The following HS3ST4 variants were observed in gnomAD, a reference collection of about 807,000 sequenced individuals.
HS3ST4 encodes the protein heparan sulfate-glucosamine 3-sulfotransferase 4.
HS3ST4 carries 17 observed loss-of-function variants against 29.2 expected under a neutral mutation model. The observed-to-expected ratio is 0.58, with a 90% CI of 0.40 to 0.87. The LOEUF is 0.87. HS3ST4 is among the 40% of genes least tolerant of loss of function. HS3ST4 has a pLI of 0.00. For synonymous variants in HS3ST4, 314 were observed against 285.7 expected (o/e 1.10, Z -1.00); for missense variants, 627 against 634.5 (o/e 0.99, Z 0.13).
At chr16:25,984,244 G>T (rs745624197) in intron 1 of HS3ST4, among the ~76,000 whole-genome samples, 5 of 152,150 alleles carry the variant, frequency 3.3e-5, no homozygotes, top group Non-Finnish European at 7.4e-5. Context: ...GGGACTGGTG[G>T]AAGACAATTT....
At chr16:26,109,725 T>A (rs893161825) in intron 1 of HS3ST4, among the ~76,000 whole-genome samples, 5 of 152,166 alleles carry the variant, frequency 3.3e-5, no homozygotes, top group African/African-American at 1.2e-4. Context: ...ACTGTTTTTT[T>A]TTTTTTCTGT....
At chr16:25,822,240 G>C (rs984926837) in intron 1 of HS3ST4, among the ~76,000 whole-genome samples, 1 of 152,122 alleles carries the variant, frequency 6.6e-6, no homozygotes, top group East Asian at 1.9e-4. Flanking sequence ...GGTGCCAGCA[G>C]ATCTGGTGTC....
Position 25,906,937 on chromosome 16 carries a change from G to A in HS3ST4, c.734+213786G>A, listed in dbSNP as rs193250723. Among the ~76,000 whole-genome samples the A allele has an allele frequency of 2.6e-3, 395 of 152,286 alleles. 1 individual carries two copies. The highest frequency in any genetic ancestry group is 9.2e-3 in the African/African-American group (384 of 41,562). The stretch of plus-strand genomic sequence containing the variant: ...GGGCTGGGTGCAGTGGCTCACACCT[G>A]TAATCCTAGTGCTTTGAGAAGCCTA... On this transcript the variant is annotated intron_variant, in intron 1 of 1. Coordinates refer to ENST00000331351, the MANE Select transcript of HS3ST4 (RefSeq NM_006040.3).
chr16:25,692,475 C>G lies in HS3ST4; in HGVS notation c.58C>G (p.Pro20Ala). The change falls in exon 1 of 2, where the codon CCG becomes GCG. Residue 20 changes from proline to alanine, a missense_variant. Physicochemically the swap from Pro to Ala is conservative, Grantham distance 27. This residue lies in a region of HS3ST4 where 402 missense variants were observed against 340.8 expected (regional missense o/e 1.18). Coordinates refer to ENST00000331351, the MANE Select transcript of HS3ST4 (RefSeq NM_006040.3). ...GCCTCCGCCTCCACCTCTGGCCGCG[C>G]CGCCGCCGCCCGGCGCCTCTGCTAA... Reference protein sequence around the residue: ...PPPPPPPLAAPPPPGASAKGP... With the variant: ...PPPPPPPLAAAPPPGASAKGP... The G allele has an allele frequency of 7.3e-7, 1 of 1,363,186 alleles. No individual in the cohort carries two copies. Among genetic ancestry groups the G allele is most frequent in the African/African-American group, 1.5e-5 (1 of 65,418 alleles). 84.4% of individuals were successfully genotyped at this position (1,363,186 alleles called of 1,614,324 possible). A position where few individuals can be genotyped will look rare whatever the true frequency, so the allele number is the denominator to read the frequency against.
At chr16:25,715,746 G>A (rs897188382) in intron 1 of HS3ST4, among the ~76,000 whole-genome samples, 1 of 152,238 alleles carries the variant, frequency 6.6e-6, no homozygotes, top group Non-Finnish European at 1.5e-5. Flanking sequence ...GCAGTGGTTA[G>A]TGACAGATGG....
At chr16:25,771,962 T>C (rs962853452) in intron 1 of HS3ST4, among the ~76,000 whole-genome samples, 1 of 152,200 alleles carries the variant, frequency 6.6e-6, no homozygotes, top group South Asian at 2.1e-4. Context: ...TAGTGGAAGA[T>C]AGGATAACGT....
At chr16:26,075,646 A>G (rs1284807832) in intron 1 of HS3ST4, among the ~76,000 whole-genome samples, 1 of 152,184 alleles carries the variant, frequency 6.6e-6, no homozygotes, top group East Asian at 1.9e-4. Flanking sequence ...GGGAATAATT[A>G]TACCATGAGC....
At chr16:25,854,783 T>C (rs1232068331) in intron 1 of HS3ST4, among the ~76,000 whole-genome samples, 2 of 112,912 alleles carry the variant, frequency 1.8e-5, no homozygotes, top group Admixed American at 9.3e-5. Flanking sequence ...GCGAGGTGTT[T>C]GTTGACAAAA....
intron 1 of HS3ST4, among the ~76,000 whole-genome samples, chr16:26,072,276 G>A (rs1372133177): frequency 6.6e-6 from 1 of 152,182 alleles, no homozygotes; most frequent in Non-Finnish European, 1.5e-5. Context: ...TAGGATTCTA[G>A]ATGAGGGGGT....
intron 1 of HS3ST4, among the ~76,000 whole-genome samples, chr16:26,112,857 G>A (rs1425229481): frequency 6.6e-6 from 1 of 152,148 alleles, no homozygotes; most frequent in Non-Finnish European, 1.5e-5. Flanking sequence ...GAACTCATAG[G>A]CACAGGTGGA....
intron 1 of HS3ST4, among the ~76,000 whole-genome samples, chr16:25,793,741 G>C (rs1966875522): frequency 1.3e-5 from 2 of 151,848 alleles, no homozygotes; most frequent in Non-Finnish European, 2.9e-5. Context: ...CTTTCAATTG[G>C]TGTATTTAGA....
chr16:26,039,284 C>A (rs1185298141), intron 1 of HS3ST4, among the ~76,000 whole-genome samples: 1 of 152,226 alleles, frequency 6.6e-6, no homozygotes, highest in East Asian at 1.9e-4. Context: ...ATCTTTCCTT[C>A]CCAGAAGGAA....
At chr16:25,888,338 T>C (rs938239453) in intron 1 of HS3ST4, among the ~76,000 whole-genome samples, 8 of 152,206 alleles carry the variant, frequency 5.3e-5, no homozygotes, top group Admixed American at 3.9e-4. Context: ...AATGATCTAA[T>C]CGGATTTTGG....
At chr16:26,024,708 G>A (rs1969450202) in intron 1 of HS3ST4, among the ~76,000 whole-genome samples, 1 of 152,138 alleles carries the variant, frequency 6.6e-6, no homozygotes, top group Non-Finnish European at 1.5e-5. Flanking sequence ...CTCCAGCCTG[G>A]GCGACAAAAG....
chr16:25,815,448 C>G (rs1278108480), intron 1 of HS3ST4, among the ~76,000 whole-genome samples: 1 of 152,136 alleles, frequency 6.6e-6, no homozygotes, highest in East Asian at 1.9e-4. Flanking sequence ...CTCAGCCTCA[C>G]GAGTAGCTGG....
At chr16:25,860,237 G>C (rs1401830852) in intron 1 of HS3ST4, among the ~76,000 whole-genome samples, 1 of 152,130 alleles carries the variant, frequency 6.6e-6, no homozygotes, top group African/African-American at 2.4e-5. Context: ...GGAGCAATAG[G>C]AACTCTCATT....
At chr16:25,761,183 C>G (rs114388475) in intron 1 of HS3ST4, among the ~76,000 whole-genome samples, 1 of 152,134 alleles carries the variant, frequency 6.6e-6, no homozygotes, top group Non-Finnish European at 1.5e-5. Flanking sequence ...CTGCTTCAGT[C>G]GTATCTTGCC....
At chr16:25,962,001 CT>C (rs1968800028) in intron 1 of HS3ST4, among the ~76,000 whole-genome samples, 1 of 152,090 alleles carries the variant, frequency 6.6e-6, no homozygotes, top group Non-Finnish European at 1.5e-5. Flanking sequence ...AATCTTTAAG[CT>C]TTGAGATAAT....
intron 1 of HS3ST4, among the ~76,000 whole-genome samples, chr16:25,939,393 A>C (rs1968551722): frequency 6.6e-6 from 1 of 151,418 alleles, no homozygotes; most frequent in Admixed American, 6.6e-5. Context: ...GCTGGAGTGC[A>C]ATGGCATGAT....
Sources: allele counts gnomAD v4.1 joint callset (sites outside exome capture counted in the v4.1 genomes callset), GRCh38; gene constraint gnomAD v4.1.1; regional missense constraint gnomAD v4.1.1; transcripts MANE v1.5; gene names NCBI Gene and HGNC (gene_info 2026-07-23, HGNC 2026-07-21).